Variants in LRRC4C observed in about 807,000 individuals in gnomAD.
The protein encoded by LRRC4C is leucine rich repeat containing 4C.
In LRRC4C, 5 loss-of-function variants were observed where a neutral mutation model predicts 33.6. The observed-to-expected ratio is 0.15, with a 90% CI of 0.08 to 0.31. The LOEUF (loss-of-function observed/expected upper bound fraction) is 0.31, where lower values mean the gene tolerates loss of function less well. Among genes scored for constraint, LRRC4C ranks in the 10% least tolerant of loss-of-function variants. The probability of loss-of-function intolerance (pLI) is 1.00; values close to 1 mark genes in which losing one functional copy is unlikely to be tolerated. For synonymous variants in LRRC4C, 329 were observed against 302.0 expected (o/e 1.09, Z -0.93); for missense variants, 560 against 796.7 (o/e 0.70, Z 3.58).
chr11:41,130,619 T>C (rs988601652), intron 1 of LRRC4C, among the ~76,000 whole-genome samples: 1 of 152,056 alleles, frequency 6.6e-6, no homozygotes, highest in African/African-American at 2.4e-5. Context: ...TGGATTTAAA[T>C]GACATAATTT....
chr11:40,672,826 T>C (rs1285823625), intron 2 of LRRC4C, among the ~76,000 whole-genome samples: 3 of 152,200 alleles, frequency 2.0e-5, no homozygotes, highest in Admixed American at 6.5e-5. Context: ...ATTTGTAATA[T>C]AGCGGCTGAG....
At chr11:40,912,643 G>A (rs967925805) in intron 2 of LRRC4C, among the ~76,000 whole-genome samples, 15 of 151,424 alleles carry the variant, frequency 9.9e-5, no homozygotes, top group African/African-American at 3.4e-4. Flanking sequence ...ATCAACTAAC[G>A]AGCAAAATAA....
chr11:40,784,571 A>T (rs1950335720), intron 2 of LRRC4C, among the ~76,000 whole-genome samples: 1 of 152,218 alleles, frequency 6.6e-6, no homozygotes, highest in Non-Finnish European at 1.5e-5. Context: ...TAAGTCATTG[A>T]TGCCTCACAA....
At chr11:40,423,020 T>C (rs1040938880) in intron 3 of LRRC4C, among the ~76,000 whole-genome samples, 1 of 152,166 alleles carries the variant, frequency 6.6e-6, no homozygotes, top group Non-Finnish European at 1.5e-5. Context: ...CGTTTTACTA[T>C]TACCTATGTC....
chr11:41,434,537 C>T (rs537325606), intron 1 of LRRC4C, among the ~76,000 whole-genome samples: 5 of 152,192 alleles, frequency 3.3e-5, no homozygotes, highest in South Asian at 2.1e-4. Context: ...CAGGGAAGGA[C>T]GTACATCCCA....
At chr11:41,442,377 AT>A (rs746068125) in intron 1 of LRRC4C, among the ~76,000 whole-genome samples, 1 of 151,908 alleles carries the variant, frequency 6.6e-6, no homozygotes, top group Non-Finnish European at 1.5e-5. Context: ...ATATGAAAAA[AT>A]AATGGCAAAT....
chr11:40,296,367 C>T (rs578046726), intron 4 of LRRC4C, among the ~76,000 whole-genome samples: 1 of 152,178 alleles, frequency 6.6e-6, no homozygotes, highest in East Asian at 1.9e-4. Context: ...ATATATATCA[C>T]CTTATTTAGT....
At chr11:41,068,859 C>T (rs1292638160) in intron 1 of LRRC4C, among the ~76,000 whole-genome samples, 2 of 152,136 alleles carry the variant, frequency 1.3e-5, no homozygotes, top group African/African-American at 4.8e-5. Flanking sequence ...GAGCTGGTAC[C>T]ATTCCTTCTG....
intron 1 of LRRC4C, among the ~76,000 whole-genome samples, chr11:41,144,380 C>G (rs1590741348): frequency 6.6e-6 from 1 of 152,228 alleles, no homozygotes; most frequent in Non-Finnish European, 1.5e-5. Flanking sequence ...AAGTTGATTC[C>G]TAATATTTTT....
intron 1 of LRRC4C, among the ~76,000 whole-genome samples, chr11:40,944,621 C>T (rs1958308294): frequency 6.6e-6 from 1 of 152,122 alleles, no homozygotes; most frequent in Admixed American, 6.6e-5. Context: ...CTTTCTGTAC[C>T]TCTGGAAAGC....
At chr11:40,815,142 TCA>T (rs1436641115) in intron 2 of LRRC4C, among the ~76,000 whole-genome samples, 4 of 152,318 alleles carry the variant, frequency 2.6e-5, no homozygotes, top group African/African-American at 9.6e-5. Flanking sequence ...TTTAACTGAC[TCA>T]CAGTTTCAGA....
At chr11:41,287,912 A>G (rs928532824) in intron 1 of LRRC4C, among the ~76,000 whole-genome samples, 10 of 152,152 alleles carry the variant, frequency 6.6e-5, no homozygotes, top group Non-Finnish European at 1.3e-4. Context: ...ACTAAATTAT[A>G]AACACCTTGA....
At chr11:41,095,402 G>T (rs770283357) in intron 1 of LRRC4C, among the ~76,000 whole-genome samples, 4 of 152,202 alleles carry the variant, frequency 2.6e-5, no homozygotes, top group Middle Eastern at 3.4e-3. Context: ...TATTAGGAGG[G>T]GTACTTAATA....
chr11:41,251,637 A>G (rs1482109533), intron 1 of LRRC4C, among the ~76,000 whole-genome samples: 1 of 152,198 alleles, frequency 6.6e-6, no homozygotes, highest in Non-Finnish European at 1.5e-5. Flanking sequence ...ATTGTGAAAC[A>G]GCCCGGACTA....
chr11:40,860,111 T>TAAATAAAG (rs1954006788), intron 2 of LRRC4C, among the ~76,000 whole-genome samples: 1 of 150,958 alleles, frequency 6.6e-6, no homozygotes, highest in Non-Finnish European at 1.5e-5. Flanking sequence ...AATAAATAAA[T>TAAATAAAG]AAATAAATAA....
At chr11:41,325,628 C>T (rs573484699) in intron 1 of LRRC4C, among the ~76,000 whole-genome samples, 12 of 128,628 alleles carry the variant, frequency 9.3e-5, no homozygotes, top group East Asian at 2.2e-4. Context: ...AGACATATTT[C>T]GTTACCTCCA....
chr11:41,261,618 A>C (rs2136736919), intron 1 of LRRC4C, among the ~76,000 whole-genome samples: 1 of 152,298 alleles, frequency 6.6e-6, no homozygotes, highest in Admixed American at 6.5e-5. Flanking sequence ...AGAACATGTT[A>C]TAAAGTACAC....
chr11:41,010,588 A>C (rs958654926), intron 1 of LRRC4C, among the ~76,000 whole-genome samples: 13 of 152,216 alleles, frequency 8.5e-5, no homozygotes, highest in African/African-American at 3.1e-4. Context: ...GCTGTGCCTG[A>C]GAAGTTCTCC....
At chr11:40,851,256 C>T (rs1275911676) in intron 2 of LRRC4C, among the ~76,000 whole-genome samples, 1 of 152,026 alleles carries the variant, frequency 6.6e-6, no homozygotes, top group African/African-American at 2.4e-5. Context: ...AACCCAGGGC[C>T]CTTGTGGTGT....
Sources: allele counts gnomAD v4.1 joint callset (sites outside exome capture counted in the v4.1 genomes callset), GRCh38; gene constraint gnomAD v4.1.1; transcripts MANE v1.5; gene names NCBI Gene and HGNC (gene_info 2026-07-23, HGNC 2026-07-21).